The following ALDH18A1 variants were observed in gnomAD, a reference collection of about 807,000 sequenced individuals.
ALDH18A1 encodes the protein delta-1-pyrroline-5-carboxylate synthase.
In ALDH18A1, 44 loss-of-function variants were observed where a neutral mutation model predicts 88.8. The observed-to-expected ratio is 0.50, with a 90% CI of 0.39 to 0.64. The LOEUF is 0.64. Among genes scored for constraint, ALDH18A1 ranks in the 30% least tolerant of loss-of-function variants. ALDH18A1 has a pLI of 0.00. For synonymous variants in ALDH18A1, 331 were observed against 372.1 expected (o/e 0.89, Z 1.27); for missense variants, 782 against 1,009.5 (o/e 0.77, Z 3.05).
chr10:95,627,637 C>T (rs2097862322), intron 8 of ALDH18A1, 51 bp from the exon 9 acceptor site: 3 of 1,606,324 alleles, frequency 1.9e-6, no homozygotes, highest in Non-Finnish European at 2.6e-6. Flanking sequence ...CCTATTCACC[C>T]ACATTTTAAA....
intron 1 of ALDH18A1, among the ~76,000 whole-genome samples, chr10:95,654,705 T>C (rs772924874): frequency 7.3e-5 from 11 of 150,862 alleles, no homozygotes; most frequent in Non-Finnish European, 1.6e-4. Context: ...ATATGGCATC[T>C]AGTAGGCAAC....
chr10:95,629,484 T>A (rs2097864980), intron 7 of ALDH18A1, among the ~76,000 whole-genome samples: 1 of 152,166 alleles, frequency 6.6e-6, no homozygotes, highest in Non-Finnish European at 1.5e-5. Flanking sequence ...CTATAAGCAG[T>A]GCAAATTATT....
At chr10:95,650,159 C>T (rs187353595) in intron 2 of ALDH18A1, among the ~76,000 whole-genome samples, 91 of 152,186 alleles carry the variant, frequency 6.0e-4, no homozygotes, top group Admixed American at 2.1e-3. Context: ...CTTCAGAATA[C>T]GGGGTTATAC....
At chr10:95,623,130 AAATT>A (rs1349207724) in intron 11 of ALDH18A1, among the ~76,000 whole-genome samples, 1 of 152,172 alleles carries the variant, frequency 6.6e-6, no homozygotes, top group Non-Finnish European at 1.5e-5. Flanking sequence ...CCAATTATAC[AAATT>A]AATTAATTTT....
rs80336579 is a variant in ALDH18A1, at chr10:95,632,672, A to G, written c.808+287T>C. 0.049 allele frequency among the ~76,000 whole-genome samples: 7,526 copies of G among 152,298 alleles called. 226 individuals are homozygous for G. Among genetic ancestry groups the G allele is most frequent in the Middle Eastern group, 0.061 (18 of 294 alleles). On this transcript the variant is annotated intron_variant, in intron 7 of 17. Transcript: ENST00000371224. The stretch of plus-strand genomic sequence containing the variant: ...AGCCACCACGCCAGGACAGAATTGT[A>G]AACTTCAAATAAGTGAATTGTATGG...
intron 1 of ALDH18A1, among the ~76,000 whole-genome samples, chr10:95,655,313 G>T (rs1211686964): frequency 6.6e-6 from 1 of 152,126 alleles, no homozygotes; most frequent in African/African-American, 2.4e-5. Flanking sequence ...GAGAGAATGC[G>T]TGGAAAGTGC....
intron 12 of ALDH18A1, among the ~76,000 whole-genome samples, chr10:95,617,103 CG>C (rs1162451706): frequency 6.6e-6 from 1 of 152,126 alleles, no homozygotes; most frequent in Non-Finnish European, 1.5e-5. Context: ...AAAAATTAGC[CG>C]GGCATGGTGG....
At chr10:95,648,863 C>T (rs1022293961) in intron 2 of ALDH18A1, among the ~76,000 whole-genome samples, 2 of 152,212 alleles carry the variant, frequency 1.3e-5, no homozygotes, top group African/African-American at 4.8e-5. Context: ...AATACCATCC[C>T]ACAGAATTGT....
chr10:95,608,721 G>A (rs2097827448), intron 17 of ALDH18A1, among the ~76,000 whole-genome samples: 2 of 152,118 alleles, frequency 1.3e-5, no homozygotes, highest in African/African-American at 2.4e-5. Context: ...GGCTGGTCTC[G>A]AACTCCCCGA....
At chr10:95,656,147 G>A (rs1305680838) in intron 1 of ALDH18A1, among the ~76,000 whole-genome samples, 1 of 152,166 alleles carries the variant, frequency 6.6e-6, no homozygotes, top group Non-Finnish European at 1.5e-5. Context: ...GCCCCTGAGA[G>A]TCAGCGTGCG....
chr10:95,637,493 T>C (rs1370016753), intron 3 of ALDH18A1, 57 bp from the exon 4 acceptor site: 2 of 1,603,382 alleles, frequency 1.2e-6, no homozygotes, highest in Non-Finnish European at 1.7e-6. Flanking sequence ...CTTTCATCTC[T>C]TCACAAGGGA....
intron 16 of ALDH18A1, 72 bp downstream of exon 16, chr10:95,611,184 G>T (rs910862418): frequency 1.9e-6 from 3 of 1,570,814 alleles, no homozygotes; most frequent in East Asian, 4.5e-5. Context: ...GCAGCCCAAG[G>T]GGGGCTAAGA....
chr10:95,646,407 T>G (rs1358969416), intron 2 of ALDH18A1, among the ~76,000 whole-genome samples: 2 of 152,008 alleles, frequency 1.3e-5, no homozygotes, highest in Non-Finnish European at 2.9e-5. Context: ...CTGGAGACAA[T>G]AGGGTAACAG....
intron 7 of ALDH18A1, among the ~76,000 whole-genome samples, chr10:95,630,460 C>A (rs910451141): frequency 2.0e-5 from 3 of 152,222 alleles, no homozygotes; most frequent in Non-Finnish European, 4.4e-5. Context: ...TGCCTGTAAT[C>A]CCAGTGCTTT....
intron 15 of ALDH18A1, among the ~76,000 whole-genome samples, chr10:95,613,275 A>C (rs1030930499): frequency 1.4e-4 from 22 of 152,366 alleles, no homozygotes; most frequent in African/African-American, 5.3e-4. Flanking sequence ...GACATTCTAC[A>C]AATTACTGAA....
intron 2 of ALDH18A1, among the ~76,000 whole-genome samples, chr10:95,645,801 C>T (rs1003774356): frequency 3.9e-5 from 6 of 152,004 alleles, no homozygotes; most frequent in South Asian, 2.1e-4. Context: ...CACAGGTGCA[C>T]GGTCTCTTCC....
At chr10:95,607,979 C>T (rs753344799) in intron 17 of ALDH18A1, among the ~76,000 whole-genome samples, 1 of 152,202 alleles carries the variant, frequency 6.6e-6, no homozygotes, top group African/African-American at 2.4e-5. Context: ...GACCACATGA[C>T]TTTGGACATA....
intron 3 of ALDH18A1, among the ~76,000 whole-genome samples, chr10:95,639,599 TTCTC>T (rs1311064179): frequency 1.3e-5 from 2 of 151,496 alleles, no homozygotes; most frequent in Non-Finnish European, 2.9e-5. Context: ...TTATATGTCT[TTCTC>T]TCTCCACAAA....
At chr10:95,651,866 C>T (rs1032624596) in intron 2 of ALDH18A1, among the ~76,000 whole-genome samples, 1 of 152,226 alleles carries the variant, frequency 6.6e-6, no homozygotes, top group Non-Finnish European at 1.5e-5. Flanking sequence ...CCAGCAACTA[C>T]ACTCTTAGGC....
Sources: gnomAD v4.1 joint callset for allele counts (sites outside exome capture counted in the v4.1 genomes callset) on GRCh38, gnomAD v4.1.1 for gene constraint, MANE v1.5 for transcripts, NCBI Gene and HGNC (gene_info 2026-07-23, HGNC 2026-07-21) for gene names.